The following C6 variants were observed in gnomAD, a reference collection of about 807,000 sequenced individuals.
C6 encodes complement C6, also known as complement component C6.
In C6, 101 loss-of-function variants were observed where a neutral mutation model predicts 112.9. The ratio of observed to expected loss-of-function variants is 0.89; its 90% confidence interval spans 0.76 to 1.06. C6 has a LOEUF of 1.06. Ranked by LOEUF, C6 falls within the 50% of genes least tolerant of loss-of-function variation. The pLI is 0.00. For synonymous variants in C6, 431 were observed against 384.1 expected (o/e 1.12, Z -1.43); for missense variants, 1,202 against 1,104.6 (o/e 1.09, Z -1.25).
At chr5:41,161,906 T>G in intron 9 of C6, 47 bp from the exon 10 acceptor site, 1 of 1,588,244 alleles carries the variant, frequency 6.3e-7, no homozygotes, top group Admixed American at 1.7e-5. Context: ...TAGTGCAAAT[T>G]CCTATTCTAA....
intron 1 of C6, among the ~76,000 whole-genome samples, chr5:41,224,568 G>GTA (rs1467146146): frequency 6.6e-6 from 1 of 151,744 alleles, no homozygotes; most frequent in African/African-American, 2.4e-5. Flanking sequence ...TGTTGACCAT[G>GTA]TATTAGTATG....
chr5:41,236,450 AC>A (rs1180950023), intron 1 of C6, among the ~76,000 whole-genome samples: 2 of 150,594 alleles, frequency 1.3e-5, no homozygotes, highest in African/African-American at 4.9e-5. Flanking sequence ...CTACATGGAA[AC>A]TGAACAACCT....
At chr5:41,242,549 A>G (rs1012403228) in intron 1 of C6, among the ~76,000 whole-genome samples, 5 of 152,210 alleles carry the variant, frequency 3.3e-5, no homozygotes, top group African/African-American at 1.2e-4. Flanking sequence ...ATTTTAGAAT[A>G]CATCTGAGTT....
intron 9 of C6, among the ~76,000 whole-genome samples, chr5:41,164,024 A>C (rs150969925): frequency 6.6e-6 from 1 of 151,990 alleles, no homozygotes; most frequent in African/African-American, 2.4e-5. Context: ...TCAGACTCTC[A>C]ATGAGTATAT....
rs1438583794 is a variant in C6 at position 41,222,253 on chromosome 5, A to G, written c.-20-19003T>C. Among the ~76,000 whole-genome samples, 3 of 152,056 alleles carry G rather than the reference A, an allele frequency of 2.0e-5. No individual in the cohort carries two copies. The East Asian group carries it at 5.8e-4, about 29-fold the overall frequency. ...ATAGTTTTGAAAACTATTACTGTGT[A>G]TTTATATATGTTGCTAACTTTCATA... On this transcript the variant is annotated intron_variant, in intron 1 of 17. Coordinates refer to the C6 transcript ENST00000263413.
chr5:41,232,127 C>A (rs1056239288), intron 1 of C6, among the ~76,000 whole-genome samples: 5 of 152,048 alleles, frequency 3.3e-5, no homozygotes, highest in Non-Finnish European at 7.4e-5. Context: ...TTCTTCTTAG[C>A]TTTGTTATAT....
chr5:41,225,531 A>T (rs1327842902), intron 1 of C6, among the ~76,000 whole-genome samples: 1 of 152,120 alleles, frequency 6.6e-6, no homozygotes, highest in Non-Finnish European at 1.5e-5. Context: ...TAAACATACG[A>T]ATGCATGTGT....
At chr5:41,192,709 C>T (rs1750311588) in intron 5 of C6, among the ~76,000 whole-genome samples, 1 of 151,870 alleles carries the variant, frequency 6.6e-6, no homozygotes, top group Admixed American at 6.6e-5. Flanking sequence ...TTCTGTAGTA[C>T]CAATTGTGAG....
intron 1 of C6, among the ~76,000 whole-genome samples, chr5:41,240,341 G>A (rs970699522): frequency 1.4e-4 from 22 of 152,060 alleles, no homozygotes; most frequent in Admixed American, 1.4e-3. Flanking sequence ...GTGGTAGCAG[G>A]TTTAGGCAGG....
At chr5:41,242,894 T>TA (rs11363565) in intron 1 of C6, among the ~76,000 whole-genome samples, 3,628 of 148,182 alleles carry the variant, frequency 0.024, 151 homozygotes, top group African/African-American at 0.084. Flanking sequence ...CCAAGTACAG[T>TA]AAAAAAAAAA....
At chr5:41,174,932 A>G (rs1012258953) in intron 8 of C6, among the ~76,000 whole-genome samples, 1 of 152,184 alleles carries the variant, frequency 6.6e-6, no homozygotes, top group East Asian at 1.9e-4. Context: ...TTTTCTTGAG[A>G]AGTCATTTCT....
intron 13 of C6, among the ~76,000 whole-genome samples, chr5:41,157,019 T>C (rs1746977099): frequency 1.3e-5 from 2 of 152,188 alleles, no homozygotes; most frequent in South Asian, 4.1e-4. Context: ...AATAACATCA[T>C]TGCTCTAGCC....
chr5:41,244,028 CATCCATGTAAACTACATTT>C (rs1352606505), intron 1 of C6, among the ~76,000 whole-genome samples: 1 of 152,166 alleles, frequency 6.6e-6, no homozygotes, highest in Non-Finnish European at 1.5e-5. Flanking sequence ...CTTGGATCAC[CATCCATGTAAACTACATTT>C]ATCTCTTTGA....
chr5:41,143,789 T>C (rs1745568311), intron 17 of C6, among the ~76,000 whole-genome samples: 1 of 152,194 alleles, frequency 6.6e-6, no homozygotes, highest in African/African-American at 2.4e-5. Context: ...TGCCTGGGGA[T>C]CTGTATTTTT....
chr5:41,184,540 C>T (rs911318017), intron 6 of C6, among the ~76,000 whole-genome samples: 4 of 151,758 alleles, frequency 2.6e-5, no homozygotes, highest in African/African-American at 7.3e-5. Flanking sequence ...GGCGTGATCT[C>T]GGCTCACTGC....
chr5:41,220,412 G>T (rs1391650946), intron 1 of C6, among the ~76,000 whole-genome samples: 1 of 152,096 alleles, frequency 6.6e-6, no homozygotes, highest in Non-Finnish European at 1.5e-5. Flanking sequence ...GTTTTACCTT[G>T]TTCTTTATTT....
rs747863914 is a variant in C6 at position 41,150,001 on chromosome 5, T to C, written c.2315A>G (p.His772Arg). The stretch of plus-strand genomic sequence containing the variant: ...TGATTGTTTCTGTCCCAGCTGACAA[T>C]GGCCTTTTAATTTTGTTAGAGTATC... ...EKDTLTKLKG[H>R]CQLGQKQSGS... The change falls in exon 16 of 18, where the codon CAT becomes CGT. Residue 772 changes from histidine to arginine, a missense_variant. Physicochemically the swap from His to Arg is conservative, Grantham distance 29. Transcript: ENST00000337836. The C allele has an allele frequency of 5.0e-6, 8 of 1,612,670 alleles. No individual in the cohort carries two copies. The South Asian group carries it at 6.6e-5, about 13-fold the overall frequency.
At chr5:41,234,365 T>G (rs1740114230) in intron 1 of C6, among the ~76,000 whole-genome samples, 1 of 110,102 alleles carries the variant, frequency 9.1e-6, no homozygotes, top group South Asian at 2.4e-4. Context: ...TTGTTTTTTG[T>G]TTTTTTTTTT....
chr5:41,178,503 G>T (rs61086755), intron 7 of C6, among the ~76,000 whole-genome samples: 96,271 of 131,796 alleles, frequency 0.73, 35,315 homozygotes, highest in Admixed American at 0.79. Flanking sequence ...TGGAGACAGA[G>T]CTAGCTCTGT....
Sources: allele counts gnomAD v4.1 joint callset (sites outside exome capture counted in the v4.1 genomes callset), GRCh38; gene constraint gnomAD v4.1.1; transcripts MANE v1.5; gene names NCBI Gene and HGNC (gene_info 2026-07-23, HGNC 2026-07-21).